CELF2: variants seen among roughly 807,000 people sequenced by gnomAD.
CELF2 encodes CUG triplet repeat RNA-binding protein 2.
Under a neutral mutation model 62.6 loss-of-function variants are expected in CELF2, and 8 were observed. The observed-to-expected ratio is 0.13, with a 90% CI of 0.07 to 0.23. The LOEUF is 0.23. Ranked by LOEUF, CELF2 falls within the 10% of genes least tolerant of loss-of-function variation. The probability of loss-of-function intolerance (pLI) is 1.00; values close to 1 mark genes in which losing one functional copy is unlikely to be tolerated. For synonymous variants in CELF2, 258 were observed against 250.0 expected, an observed-to-expected ratio of 1.03 and a Z score of -0.30; for missense variants, 333 against 671.0, an observed-to-expected ratio of 0.50 and a Z score of 5.56.
At chr10:10,610,337 C>T in the CELF2 span, among the ~76,000 whole-genome samples, 1 of 152,216 alleles carries the variant, frequency 6.6e-6, no homozygotes, top group African/African-American at 2.4e-5. Flanking sequence ...TTCACACGCT[C>T]TCTCCCTCAC....
the CELF2 span, among the ~76,000 whole-genome samples, chr10:10,614,387 C>G: frequency 6.6e-6 from 1 of 152,228 alleles, no homozygotes; most frequent in South Asian, 2.1e-4. Context: ...CCCTATAAGG[C>G]AGCCTCTCAC....
chr10:11,126,342 A>T (rs376071233), intron 1 of CELF2, among the ~76,000 whole-genome samples: 1 of 152,340 alleles, frequency 6.6e-6, no homozygotes, highest in South Asian at 2.1e-4. Context: ...AAAATGGACC[A>T]GTATACCTAC....
chr10:10,709,210 T>C, the CELF2 span, among the ~76,000 whole-genome samples: 4 of 152,180 alleles, frequency 2.6e-5, no homozygotes, highest in Non-Finnish European at 5.9e-5. Flanking sequence ...TGCTATGAAT[T>C]TGAATTAGGC....
At chr10:10,535,068 T>C in the CELF2 span, among the ~76,000 whole-genome samples, 1 of 152,322 alleles carries the variant, frequency 6.6e-6, no homozygotes, top group East Asian at 1.9e-4. Flanking sequence ...CCTGTTTTAA[T>C]CACCTCTATT....
chr10:11,160,645 C>CA (rs35755036), intron 1 of CELF2, among the ~76,000 whole-genome samples: 12,872 of 96,744 alleles, frequency 0.13, 965 homozygotes, highest in African/African-American at 0.23. Flanking sequence ...TCCCAAGGAT[C>CA]AAAAAAAAAA....
rs1349544148 is a variant in CELF2, at chr10:11,110,036, A to T, written c.75-55450A>T. Among the ~76,000 whole-genome samples, 1 of 152,166 alleles carries T rather than the reference A, an allele frequency of 6.6e-6. No homozygotes were observed. The highest frequency in any genetic ancestry group is 2.4e-5 in the African/African-American group (1 of 41,420). On this transcript the variant is annotated intron_variant, in intron 1 of 12. Transcript: ENST00000633077. The surrounding 1 kb of genome is among the most constrained non-coding windows in gnomAD (Gnocchi z 4.0). The stretch of plus-strand genomic sequence containing the variant: ...CACTTTGAGAGGCTGAGGCAGGAGG[A>T]TGGCTTGAGCTCGGGAGTTTGAGAC...
chr10:10,514,160 A>G, the CELF2 span, among the ~76,000 whole-genome samples: 19 of 152,350 alleles, frequency 1.2e-4, no homozygotes, highest in East Asian at 1.7e-3. Context: ...CTCAGGAAAT[A>G]TATGCAAATA....
Position 11,038,479 on chromosome 10 carries a change from A to T in CELF2, c.74+20316A>T, listed in dbSNP as rs190541140. ...TACAGGTTGGTTGTCGACTTAGGCA[A>T]GGTGTGAAGTTAATCCTATTAGACA... On this transcript the variant is annotated intron_variant, in intron 1 of 12. Transcript: ENST00000633077. Among the ~76,000 whole-genome samples, 15 of 152,332 alleles carry T rather than the reference A, an allele frequency of 9.8e-5. No individual in the cohort carries two copies. In the East Asian group the frequency reaches 2.7e-3, roughly 27 times the overall value.
intron 1 of CELF2, among the ~76,000 whole-genome samples, chr10:11,026,073 C>T (rs987592301): frequency 4.9e-5 from 3 of 60,628 alleles, no homozygotes; most frequent in Non-Finnish European, 1.9e-4. Context: ...GGAAGAAAAA[C>T]AGACTTCACA....
chr10:10,678,912 T>C, the CELF2 span, among the ~76,000 whole-genome samples: 1 of 152,162 alleles, frequency 6.6e-6, no homozygotes, highest in Non-Finnish European at 1.5e-5. Context: ...AAATACTCCA[T>C]TCCAGGATAC....
chr10:10,992,083 C>T (rs985234307), intron 2 of CELF2, among the ~76,000 whole-genome samples: 2 of 152,124 alleles, frequency 1.3e-5, no homozygotes, highest in Non-Finnish European at 2.9e-5. Flanking sequence ...TAATGGGGCC[C>T]CAGACAAGAA....
chr10:10,626,314 T>A, the CELF2 span, among the ~76,000 whole-genome samples: 3 of 152,194 alleles, frequency 2.0e-5, no homozygotes, highest in Non-Finnish European at 4.4e-5. Context: ...CATGTCAAGA[T>A]CTCCCCATGT....
chr10:10,862,139 A>G (rs2060077574), intron 1 of CELF2, among the ~76,000 whole-genome samples: 2 of 152,214 alleles, frequency 1.3e-5, no homozygotes, highest in South Asian at 2.1e-4. Flanking sequence ...AATAGAAGAC[A>G]TTAAGGTATG....
intron 1 of CELF2, among the ~76,000 whole-genome samples, chr10:10,879,875 G>A (rs893075789): frequency 2.0e-5 from 3 of 152,098 alleles, no homozygotes; most frequent in African/African-American, 7.2e-5. Context: ...GAACCTTCTT[G>A]TCTAGTCTGA....
intron 2 of CELF2, among the ~76,000 whole-genome samples, chr10:11,189,154 G>A (rs563081465): frequency 3.3e-5 from 5 of 152,268 alleles, no homozygotes; most frequent in African/African-American, 1.2e-4. Context: ...GGTCTGGCTG[G>A]TAAGGACAGG....
At chr10:11,049,160 A>G (rs1407570883) in intron 1 of CELF2, among the ~76,000 whole-genome samples, 1 of 152,124 alleles carries the variant, frequency 6.6e-6, no homozygotes, top group African/African-American at 2.4e-5. Context: ...TTAAAAAAAA[A>G]ATCAGCTTAG....
chr10:11,162,680 T>A (rs2065996376), intron 1 of CELF2, among the ~76,000 whole-genome samples: 1 of 152,178 alleles, frequency 6.6e-6, no homozygotes, highest in Admixed American at 6.5e-5. Context: ...ATACACATAT[T>A]ATTATTTAGG....
chr10:10,532,375 A>AGAACTCAT, the CELF2 span, among the ~76,000 whole-genome samples: 15 of 152,242 alleles, frequency 9.9e-5, no homozygotes, highest in Admixed American at 7.2e-4. Context: ...TTGACTTGGC[A>AGAACTCAT]TATATGTAGA....
At chr10:10,742,544 C>T in the CELF2 span, among the ~76,000 whole-genome samples, 1 of 140,856 alleles carries the variant, frequency 7.1e-6, no homozygotes, top group African/African-American at 2.7e-5. Context: ...CAGGATGATC[C>T]AAGATAGCAC....
Sources: allele counts gnomAD v4.1 joint callset (sites outside exome capture counted in the v4.1 genomes callset), GRCh38; gene constraint gnomAD v4.1.1; non-coding constraint Gnocchi (gnomAD v3.1); transcripts MANE v1.5; gene names NCBI Gene and HGNC (gene_info 2026-07-23, HGNC 2026-07-21).